Variants in DYNC2H1 observed in about 807,000 individuals in gnomAD.
DYNC2H1 encodes the protein dynein cytoplasmic 2 heavy chain 1.
A neutral mutation model predicts 570.0 loss-of-function variants in DYNC2H1; 410 were observed. That is an observed-to-expected ratio of 0.72 (90% CI 0.66 to 0.78). The LOEUF (loss-of-function observed/expected upper bound fraction) is 0.78. Ranked by LOEUF, DYNC2H1 falls within the 30% of genes least tolerant of loss-of-function variation. The pLI is 0.00. For synonymous variants in DYNC2H1, 1,688 were observed against 1,677.6 expected (o/e 1.01, Z -0.15); for missense variants, 4,865 against 5,046.4 (o/e 0.96, Z 1.09).
At chr11:103,352,777 A>G (rs1378705083) in intron 82 of DYNC2H1, among the ~76,000 whole-genome samples, 1 of 152,214 alleles carries the variant, frequency 6.6e-6, no homozygotes, top group Non-Finnish European at 1.5e-5. Context: ...ATACCATTCG[A>G]CCTAGCAATC....
In DYNC2H1 at chr11:103,241,613, TG is replaced by T; in HGVS notation, c.9820-2079del. The T allele has an allele frequency of 7.5e-7, 1 of 1,330,978 alleles. No individual in the cohort carries two copies. The highest frequency in any genetic ancestry group is 1.0e-6 in the Non-Finnish European group (1 of 955,822). 82.4% of individuals were successfully genotyped at this position (1,330,978 alleles called of 1,614,324 possible). ...TTAGGCAAAATGCAGAATTGTGAAA[TG>T]TGTGCTATTGAATGCTAGCATAAAA... On this transcript the variant is annotated intron_variant, in intron 63 of 88. Coordinates refer to ENST00000375735, the MANE Select transcript of DYNC2H1 (RefSeq NM_001377.3). This position sits in a 1 kb window ranked among gnomAD's most constrained non-coding sequence, Gnocchi z 5.1.
chr11:103,111,247 C>G (rs111736448), intron 1 of DYNC2H1, among the ~76,000 whole-genome samples: 1 of 152,174 alleles, frequency 6.6e-6, no homozygotes, highest in Non-Finnish European at 1.5e-5. Flanking sequence ...GGCACTTTGC[C>G]AGGCATGATG....
intron 77 of DYNC2H1, among the ~76,000 whole-genome samples, chr11:103,307,362 C>G (rs572058205): frequency 1.0e-3 from 153 of 152,116 alleles, no homozygotes; most frequent in Non-Finnish European, 1.7e-3. Context: ...CTAACACTTA[C>G]TTTGAACTTA....
chr11:103,281,236 C>T (rs1261340451), intron 71 of DYNC2H1, among the ~76,000 whole-genome samples: 1 of 152,090 alleles, frequency 6.6e-6, no homozygotes, highest in Admixed American at 6.6e-5. Flanking sequence ...TCCACATGCA[C>T]TGACATGTAT....
At chr11:103,127,276 T>C (rs539191969) in intron 12 of DYNC2H1, among the ~76,000 whole-genome samples, 1 of 152,338 alleles carries the variant, frequency 6.6e-6, no homozygotes, top group African/African-American at 2.4e-5. Context: ...TCATAGGTAT[T>C]TGTATTTACC....
At chr11:103,251,216 A>T (rs985942861) in intron 65 of DYNC2H1, among the ~76,000 whole-genome samples, 1 of 151,980 alleles carries the variant, frequency 6.6e-6, no homozygotes, top group African/African-American at 2.4e-5. Context: ...AGATGCATAC[A>T]TTTTTGGAAA....
In DYNC2H1 at chr11:103,222,034, C is replaced by G; in HGVS notation, c.9112C>G (p.Leu3038Val). Residue 3038 changes from leucine (L) to valine (V), a missense_variant, in exon 58 of 89, where the codon CTT (leucine) becomes GTT (valine). Transcript: ENST00000375735. Reference protein sequence around the residue: ...DTSWVSMKSFLAKRGVREDIA... With the variant: ...DTSWVSMKSFVAKRGVREDIA... ...GGAAATATGCTTTAATTTTAGTTTC[C>G]TTGCAAAAAGAGGTGTAAGAGAAGA... 1 of 1,604,972 alleles carries G rather than the reference C, an allele frequency of 6.2e-7. No homozygotes were observed. The highest frequency in any genetic ancestry group is 8.5e-7 in the Non-Finnish European group (1 of 1,176,546).
intron 59 of DYNC2H1, among the ~76,000 whole-genome samples, chr11:103,225,026 C>T (rs542325862): frequency 1.3e-5 from 2 of 152,132 alleles, no homozygotes; most frequent in South Asian, 2.1e-4. Context: ...TTTCCATATG[C>T]TTGTTGGCCA....
chr11:103,378,892 C>A (rs1941516063), intron 83 of DYNC2H1, among the ~76,000 whole-genome samples: 1 of 152,078 alleles, frequency 6.6e-6, no homozygotes, highest in Admixed American at 6.5e-5. Flanking sequence ...GTGACTATTT[C>A]TTTCCTTCAG....
rs1861851525 is a variant in DYNC2H1, at chr11:103,181,609, T to C, written c.6348-148T>C. 1 of 699,280 alleles carries C rather than the reference T, an allele frequency of 1.4e-6. No individual in the cohort carries two copies. 43.3% of individuals were successfully genotyped at this position (699,280 alleles called of 1,614,324 possible). A position where few individuals can be genotyped will look rare whatever the true frequency, so the allele number is the denominator to read the frequency against. On this transcript the variant is annotated intron_variant, in intron 39 of 88. Transcript: ENST00000375735. This position sits in a 1 kb window ranked among gnomAD's most constrained non-coding sequence, Gnocchi z 5.0. ...CAGATGTAATTGTATTATTCACACA[T>C]ACTCATAGTAAAGTAACTAAAGCCA...
intron 84 of DYNC2H1, chr11:103,404,132 A>G (rs191508532): frequency 6.6e-6 from 1 of 152,108 alleles, no homozygotes; most frequent in African/African-American, 2.4e-5. Context: ...TAGGGGATGT[A>G]GCACCTTGAA....
At chr11:103,125,021 A>T in intron 11 of DYNC2H1, 79 bp from the exon 12 acceptor site, 2 of 1,099,576 alleles carry the variant, frequency 1.8e-6, no homozygotes, top group Non-Finnish European at 1.3e-6. Context: ...TGTACAGAAA[A>T]GTTGTAAAAA....
intron 80 of DYNC2H1, among the ~76,000 whole-genome samples, chr11:103,320,037 G>A (rs1311979912): frequency 2.0e-5 from 3 of 152,090 alleles, no homozygotes; most frequent in Non-Finnish European, 2.9e-5. Context: ...GTAATGAAAT[G>A]GAACTATGCT....
intron 75 of DYNC2H1, among the ~76,000 whole-genome samples, chr11:103,298,104 ATCT>A (rs1049798345): frequency 1.3e-5 from 2 of 152,092 alleles, no homozygotes; most frequent in African/African-American, 4.8e-5. Flanking sequence ...GTGACATCTC[ATCT>A]TCTTCAGAAT....
chr11:103,448,870 A>G (rs1478709117), intron 85 of DYNC2H1, among the ~76,000 whole-genome samples: 1 of 152,202 alleles, frequency 6.6e-6, no homozygotes, highest in Non-Finnish European at 1.5e-5. Context: ...AATGTTAGCC[A>G]AATTCCAGGT....
At chr11:103,297,617 A>G (rs1401278112) in intron 75 of DYNC2H1, among the ~76,000 whole-genome samples, 1 of 152,150 alleles carries the variant, frequency 6.6e-6, no homozygotes, top group Non-Finnish European at 1.5e-5. Context: ...GTCTCTAAAC[A>G]TAGAAAAGAT....
intron 82 of DYNC2H1, among the ~76,000 whole-genome samples, chr11:103,353,911 G>T (rs1452418477): frequency 6.6e-6 from 1 of 151,850 alleles, no homozygotes; most frequent in Non-Finnish European, 1.5e-5. Flanking sequence ...GGGTGCGGTG[G>T]CTCACACCTG....
At chr11:103,257,530 T>C (rs968570070) in intron 68 of DYNC2H1, 78 bp from the exon 69 acceptor site, 23 of 1,371,928 alleles carry the variant, frequency 1.7e-5, no homozygotes, top group Non-Finnish European at 2.1e-5. Context: ...GATATGTGCA[T>C]TGTAGTCTTT....
At chr11:103,283,233 G>T in intron 73 of DYNC2H1, 148 bp downstream of exon 73, 1 of 530,564 alleles carries the variant, frequency 1.9e-6, no homozygotes. Flanking sequence ...AAGAATTATT[G>T]TAATTAGTCC....
Sources: allele counts gnomAD v4.1 joint callset (sites outside exome capture counted in the v4.1 genomes callset), GRCh38; gene constraint gnomAD v4.1.1; non-coding constraint Gnocchi (gnomAD v3.1); transcripts MANE v1.5; gene names NCBI Gene and HGNC (gene_info 2026-07-23, HGNC 2026-07-21).